The following CHN2 variants were observed in gnomAD, a reference collection of about 807,000 sequenced individuals.
CHN2 encodes the protein beta-chimaerin.
A neutral mutation model predicts 56.3 loss-of-function variants in CHN2; 35 were observed. That is an observed-to-expected ratio of 0.62 (90% CI 0.47 to 0.82). The LOEUF (loss-of-function observed/expected upper bound fraction) is 0.82, where lower values mean the gene tolerates loss of function less well. Ranked by LOEUF, CHN2 falls within the 40% of genes least tolerant of loss-of-function variation. The probability of loss-of-function intolerance (pLI) is 0.00; values close to 1 mark genes in which losing one functional copy is unlikely to be tolerated. For synonymous variants in CHN2, 210 were observed against 212.8 expected (o/e 0.99, Z 0.12); for missense variants, 491 against 580.5 (o/e 0.85, Z 1.58).
intron 3 of CHN2, among the ~76,000 whole-genome samples, chr7:29,370,225 C>T (rs943872125): frequency 2.6e-5 from 4 of 152,246 alleles, no homozygotes; most frequent in Non-Finnish European, 5.9e-5. Context: ...CAAGTGAAGG[C>T]GCCACTTTCT....
intron 6 of CHN2, among the ~76,000 whole-genome samples, chr7:29,409,190 AG>A (rs1167269704): frequency 1.3e-5 from 2 of 152,178 alleles, no homozygotes; most frequent in African/African-American, 2.4e-5. Flanking sequence ...AAATCATCCC[AG>A]GAATCTAATT....
chr7:29,354,131 C>G (rs552973462), intron 1 of CHN2, among the ~76,000 whole-genome samples: 1 of 152,222 alleles, frequency 6.6e-6, no homozygotes, highest in Non-Finnish European at 1.5e-5. Context: ...TCATCAGTGT[C>G]TCTGCTGTCA....
chr7:29,401,189 A>G (rs1802178122), intron 6 of CHN2: 1 of 221,588 alleles, frequency 4.5e-6, no homozygotes, highest in East Asian at 1.1e-4. Flanking sequence ...AATGGCATGA[A>G]CCCAGGACGG....
intron 6 of CHN2, among the ~76,000 whole-genome samples, chr7:29,431,629 ACTT>A (rs1335614351): frequency 1.3e-5 from 2 of 152,184 alleles, no homozygotes; most frequent in South Asian, 2.1e-4. Context: ...TGGCGATATA[ACTT>A]CTTCTAAACT....
chr7:29,502,729 T>C (rs746044762), intron 9 of CHN2, among the ~76,000 whole-genome samples: 6 of 150,510 alleles, frequency 4.0e-5, no homozygotes, highest in Non-Finnish European at 5.9e-5. Context: ...TGGCATATTA[T>C]ATAAGGCATA....
chr7:29,193,631 AT>A (rs1783185069), upstream of CHN2: 1 of 152,226 alleles, frequency 6.6e-6, no homozygotes, highest in South Asian at 2.1e-4. Context: ...AAAAATCTGC[AT>A]GGTATTTCCT....
chr7:29,238,933 A>C (rs1175201199), intron 1 of CHN2, among the ~76,000 whole-genome samples: 1 of 152,178 alleles, frequency 6.6e-6, no homozygotes, highest in Admixed American at 6.5e-5. Flanking sequence ...GTGTGTGAGG[A>C]GAGGGTGGTT....
At chr7:29,172,678 C>T (rs981216624) in intron 2 of CHN2, among the ~76,000 whole-genome samples, 1 of 152,026 alleles carries the variant, frequency 6.6e-6, no homozygotes, top group African/African-American at 2.4e-5. Flanking sequence ...TCATATTAAC[C>T]ATTGCTTTTT....
chr7:29,307,103 A>G (rs1794232351), intron 1 of CHN2, among the ~76,000 whole-genome samples: 1 of 152,188 alleles, frequency 6.6e-6, no homozygotes, highest in Non-Finnish European at 1.5e-5. Flanking sequence ...GCCTTCAGCT[A>G]AATCATTTAA....
intron 1 of CHN2, among the ~76,000 whole-genome samples, chr7:29,290,962 G>A (rs1300119242): frequency 1.3e-5 from 2 of 152,142 alleles, no homozygotes; most frequent in African/African-American, 4.8e-5. Flanking sequence ...CCTTTGACTT[G>A]GGGTTTATAT....
At chr7:29,213,699 A>C (rs1354650393) in intron 1 of CHN2, among the ~76,000 whole-genome samples, 1 of 152,156 alleles carries the variant, frequency 6.6e-6, no homozygotes, top group Non-Finnish European at 1.5e-5. Context: ...GTTCTGTTTT[A>C]CTATATCCCC....
intron 6 of CHN2, among the ~76,000 whole-genome samples, chr7:29,447,474 A>G: frequency 6.6e-6 from 1 of 152,204 alleles, no homozygotes; most frequent in East Asian, 1.9e-4. Context: ...TATATGTCTA[A>G]CTGGAGTCCC....
chr7:29,242,446 A>G (rs1787755075), intron 1 of CHN2, among the ~76,000 whole-genome samples: 1 of 152,214 alleles, frequency 6.6e-6, no homozygotes, highest in Non-Finnish European at 1.5e-5. Flanking sequence ...TGTGATGTCA[A>G]CACTGTGTTT....
chr7:29,189,687 C>A (rs934416013), intron 2 of CHN2, among the ~76,000 whole-genome samples: 5 of 152,126 alleles, frequency 3.3e-5, no homozygotes. Flanking sequence ...CTCGGCCCCC[C>A]ACCCCCTACA....
chr7:29,360,782 C>G (rs1798678003), intron 2 of CHN2, among the ~76,000 whole-genome samples: 1 of 152,220 alleles, frequency 6.6e-6, no homozygotes, highest in Non-Finnish European at 1.5e-5. Context: ...CCTGCAGGAT[C>G]TCTTAGGAGC....
chr7:29,499,388 G>C (rs115083255), intron 8 of CHN2, among the ~76,000 whole-genome samples: 3 of 152,130 alleles, frequency 2.0e-5, no homozygotes, highest in Non-Finnish European at 2.9e-5. Flanking sequence ...ACCAATGGTC[G>C]TGGGCTTCTC....
chr7:29,481,186 C>G (rs1787180687), intron 7 of CHN2, among the ~76,000 whole-genome samples: 1 of 152,106 alleles, frequency 6.6e-6, no homozygotes, highest in African/African-American at 2.4e-5. Context: ...GGCTTCACCC[C>G]AAAAAGTGAG....
At chr7:29,511,012 G>A (rs1477664654) in intron 12 of CHN2, among the ~76,000 whole-genome samples, 1 of 152,124 alleles carries the variant, frequency 6.6e-6, no homozygotes, top group Non-Finnish European at 1.5e-5. Context: ...AACATTGGAG[G>A]GATCAGGGCA....
At chr7:29,147,562 G>A (rs1205110396) in intron 2 of CHN2, among the ~76,000 whole-genome samples, 1 of 152,192 alleles carries the variant, frequency 6.6e-6, no homozygotes, top group South Asian at 2.1e-4. Flanking sequence ...GTTGTTGTGA[G>A]GACTCACTGA....
Sources: gnomAD v4.1 joint callset for allele counts (sites outside exome capture counted in the v4.1 genomes callset) on GRCh38, gnomAD v4.1.1 for gene constraint, MANE v1.5 for transcripts, NCBI Gene and HGNC (gene_info 2026-07-23, HGNC 2026-07-21) for gene names.